KIF16B: variants seen among roughly 807,000 people sequenced by gnomAD.
The protein encoded by KIF16B is kinesin-like protein KIF16B.
A neutral mutation model predicts 156.3 loss-of-function variants in KIF16B; 98 were observed. The observed-to-expected ratio is 0.63, with a 90% CI of 0.53 to 0.74. The LOEUF (loss-of-function observed/expected upper bound fraction) is 0.74. Ranked by LOEUF, KIF16B falls within the 30% of genes least tolerant of loss-of-function variation. KIF16B has a pLI of 0.00. For synonymous variants in KIF16B, 564 were observed against 583.7 expected (o/e 0.97, Z 0.49); for missense variants, 1,421 against 1,606.5 (o/e 0.88, Z 1.97).
At chr20:16,366,747 A>C in intron 22 of KIF16B, 1 of 747,502 alleles carries the variant, frequency 1.3e-6, no homozygotes, top group Non-Finnish European at 1.6e-6. Context: ...TCACTGCTAG[A>C]CTGGGCACTT....
At chr20:16,299,973 C>A (rs545710211) in intron 25 of KIF16B, among the ~76,000 whole-genome samples, 1 of 152,088 alleles carries the variant, frequency 6.6e-6, no homozygotes, top group African/African-American at 2.4e-5. Flanking sequence ...AACCAAACAC[C>A]GGTGTGAAAA....
intron 17 of KIF16B, among the ~76,000 whole-genome samples, chr20:16,399,999 G>A (rs1367503523): frequency 1.3e-5 from 2 of 152,172 alleles, no homozygotes; most frequent in Non-Finnish European, 2.9e-5. Context: ...ATTTCTGAGA[G>A]GTCAGAGCAA....
chr20:16,426,267 G>A (rs1471762322), intron 15 of KIF16B, among the ~76,000 whole-genome samples: 1 of 151,714 alleles, frequency 6.6e-6, no homozygotes, highest in South Asian at 2.1e-4. Context: ...CTCTCTTTGG[G>A]TGGGGACACA....
rs771403992 is a variant in KIF16B, at chr20:16,528,429, A to G, written c.59T>C (p.Leu20Ser). The G allele has an allele frequency of 4.3e-6, 7 of 1,612,288 alleles. No individual in the cohort carries two copies. The highest frequency in any genetic ancestry group is 5.9e-6 in the Non-Finnish European group (7 of 1,178,286). Residue 20 changes from leucine (L) to serine (S), a missense_variant, in exon 2 of 26, where the codon TTG (leucine) becomes TCG (serine). Coordinates refer to ENST00000354981, the MANE Select transcript of KIF16B (RefSeq NM_024704.5). ...VRPMNRREKDLEAKFIIQMEK... is the reference protein window; with the variant it reads ...VRPMNRREKDSEAKFIIQMEK... ...CATCTGAATAATGAACTTGGCCTCCAAGTCCTTTTCCCTGCAATACAAATA... is the reference window on the plus strand; with the variant it reads ...CATCTGAATAATGAACTTGGCCTCCGAGTCCTTTTCCCTGCAATACAAATA...
At chr20:16,464,279 A>G (rs1054101575) in intron 12 of KIF16B, among the ~76,000 whole-genome samples, 2 of 152,218 alleles carry the variant, frequency 1.3e-5, no homozygotes, top group African/African-American at 4.8e-5. Context: ...AGGGAATATA[A>G]TAGAATGATC....
At chr20:16,462,591 C>T (rs2067377038) in intron 12 of KIF16B, among the ~76,000 whole-genome samples, 1 of 152,068 alleles carries the variant, frequency 6.6e-6, no homozygotes, top group African/African-American at 2.4e-5. Flanking sequence ...AATTTAGATA[C>T]ATCAGAGTCC....
At chr20:16,461,164 TA>T (rs2067336343) in intron 12 of KIF16B, among the ~76,000 whole-genome samples, 1 of 151,536 alleles carries the variant, frequency 6.6e-6, no homozygotes, top group South Asian at 2.1e-4. Context: ...AACACAGGAA[TA>T]AAAAAAGGCA....
intron 12 of KIF16B, among the ~76,000 whole-genome samples, chr20:16,436,500 C>T (rs2066644554): frequency 6.6e-6 from 1 of 152,186 alleles, no homozygotes; most frequent in African/African-American, 2.4e-5. Context: ...ATTCCAGTTA[C>T]CACCACTGGC....
rs573688361 is a variant in KIF16B, at chr20:16,340,615, GC to G, written c.3622-4601del. 3.9e-5 allele frequency among the ~76,000 whole-genome samples: 6 copies of G among 152,306 alleles called. No individual in the cohort carries two copies. In the South Asian group the frequency reaches 1.2e-3, roughly 32 times the overall value. On this transcript the variant is annotated intron_variant, in intron 23 of 25. Coordinates refer to ENST00000354981, the MANE Select transcript of KIF16B (RefSeq NM_024704.5). ...GGCTTTTTTAAATCTCTCTGTGCAG[GC>G]CTCAAACAAAATCAGGATAAAGGAA... is the stretch of plus-strand genomic sequence containing the variant.
At chr20:16,492,736 CT>C (rs2146926331) in intron 12 of KIF16B, among the ~76,000 whole-genome samples, 1 of 152,246 alleles carries the variant, frequency 6.6e-6, no homozygotes, top group East Asian at 1.9e-4. Flanking sequence ...GAGCTTCCAT[CT>C]TTTCACCTCT....
At chr20:16,515,731 T>G (rs1200858654) in intron 3 of KIF16B, 67 bp from the exon 4 acceptor site, 1 of 839,520 alleles carries the variant, frequency 1.2e-6, no homozygotes, top group Non-Finnish European at 2.0e-6. Flanking sequence ...CCCTTCAGTG[T>G]TGACAATGTT....
At chr20:16,304,671 A>T (rs2063517709) in intron 25 of KIF16B, among the ~76,000 whole-genome samples, 1 of 152,228 alleles carries the variant, frequency 6.6e-6, no homozygotes, top group African/African-American at 2.4e-5. Flanking sequence ...TATGTTTTGT[A>T]AGATCAGCAG....
intron 25 of KIF16B, among the ~76,000 whole-genome samples, chr20:16,283,947 G>A (rs913486256): frequency 6.6e-6 from 1 of 152,118 alleles, no homozygotes; most frequent in South Asian, 2.1e-4. Flanking sequence ...AGTTCCTAAA[G>A]ACCACCTACA....
chr20:16,564,945 G>A (rs2071199502), intron 1 of KIF16B, among the ~76,000 whole-genome samples: 1 of 151,976 alleles, frequency 6.6e-6, no homozygotes, highest in African/African-American at 2.4e-5. Flanking sequence ...GGTCAGGCGT[G>A]ACATTCTACT....
At chr20:16,368,456 C>A in intron 22 of KIF16B, 30 of 986,288 alleles carry the variant, frequency 3.0e-5, no homozygotes, top group Non-Finnish European at 3.6e-5. Flanking sequence ...AGGCTTCTGA[C>A]GAATGTTGTT....
At chr20:16,539,961 G>A (rs182068923) in intron 1 of KIF16B, among the ~76,000 whole-genome samples, 6 of 152,178 alleles carry the variant, frequency 3.9e-5, no homozygotes, top group East Asian at 1.9e-4. Context: ...GAAATAAACC[G>A]GCATCCCAAG....
At chr20:16,451,116 CAT>C (rs1163720796) in intron 12 of KIF16B, among the ~76,000 whole-genome samples, 2 of 152,154 alleles carry the variant, frequency 1.3e-5, no homozygotes, top group African/African-American at 4.8e-5. Flanking sequence ...CTTCCAAGCT[CAT>C]ATAGAATGTA....
intron 12 of KIF16B, among the ~76,000 whole-genome samples, chr20:16,437,205 A>G (rs989387076): frequency 6.6e-6 from 1 of 152,226 alleles, no homozygotes; most frequent in Non-Finnish European, 1.5e-5. Flanking sequence ...CATACATATC[A>G]GCAATAGTAC....
chr20:16,462,044 T>A (rs2067358586), intron 12 of KIF16B, among the ~76,000 whole-genome samples: 1 of 151,996 alleles, frequency 6.6e-6, no homozygotes, highest in African/African-American at 2.4e-5. Flanking sequence ...AGGTCAGGAG[T>A]TCGAGACCAG....
Sources: allele counts gnomAD v4.1 joint callset (sites outside exome capture counted in the v4.1 genomes callset), GRCh38; gene constraint gnomAD v4.1.1; transcripts MANE v1.5; gene names NCBI Gene and HGNC (gene_info 2026-07-23, HGNC 2026-07-21).